Variants in PDE1B observed in about 807,000 individuals in gnomAD.
The protein encoded by PDE1B is dual specificity calcium/calmodulin-dependent 3',5'-cyclic nucleotide phosphodiesterase 1B.
A neutral mutation model predicts 66.7 loss-of-function variants in PDE1B; 13 were observed. The ratio of observed to expected loss-of-function variants is 0.19; its 90% CI spans 0.13 to 0.31. The LOEUF (loss-of-function observed/expected upper bound fraction) is 0.31, where lower values mean the gene tolerates loss of function less well. Ranked by LOEUF, PDE1B falls within the 10% of genes least tolerant of loss-of-function variation. PDE1B has a pLI of 1.00. For synonymous variants in PDE1B, 230 were observed against 253.9 expected (o/e 0.91, Z 0.90); for missense variants, 485 against 682.3 (o/e 0.71, Z 3.22).
At chr12:54,570,163 C>G in intron 5 of PDE1B, 78 bp from the exon 6 acceptor site, 1 of 832,510 alleles carries the variant, frequency 1.2e-6, no homozygotes, top group Non-Finnish European at 2.1e-6. Context: ...ACTTTGTACT[C>G]ATGGGAAGTC....
In PDE1B at chr12:54,575,346, T is replaced by C. The variant is rs1592173806; in HGVS notation, c.1185+128T>C. The C allele has an allele frequency of 4.5e-6, 4 of 895,230 alleles. No individual in the cohort carries two copies. Among genetic ancestry groups the C allele is most frequent in the East Asian group, 4.8e-5 (2 of 41,284 alleles). 55.5% of individuals were successfully genotyped at this position (895,230 alleles called of 1,614,324 possible). A position where few individuals can be genotyped will look rare whatever the true frequency, so the allele number is the denominator to read the frequency against. On this transcript the variant is annotated intron_variant, in intron 11 of 15. Coordinates refer to ENST00000243052, the MANE Select transcript of PDE1B (RefSeq NM_000924.4). This position sits in a 1 kb window ranked among gnomAD's most constrained non-coding sequence, Gnocchi z 4.0. ...TAGTCTCTGACCTGATCCCAAATCC[T>C]TGGGGTAAAACCCCATTATCCTAAA...
In PDE1B at chr12:54,569,122, G is replaced by T. The variant is rs757717593; in HGVS notation, c.228-62G>T. 6.5e-7 allele frequency: 1 copy of T among 1,529,242 alleles called. No individual in the cohort carries two copies. Among genetic ancestry groups the T allele is most frequent in the South Asian group, 1.3e-5 (1 of 76,774 alleles). The allele number at this position is 1,529,242 out of a possible 1,614,324, so 94.7% of individuals were successfully genotyped here. On this transcript the variant is annotated intron_variant, in intron 3 of 15. Transcript: ENST00000243052. The surrounding 1 kb of genome is among the most constrained non-coding windows in gnomAD (Gnocchi z 4.4). Reference sequence around the variant, plus strand: ...AAATGTGGGGTATGGCTGGGTACAGGGTCTCTAGGCTGTGGAAGCACCTGC... The same window carrying T: ...AAATGTGGGGTATGGCTGGGTACAGTGTCTCTAGGCTGTGGAAGCACCTGC...
intron 13 of PDE1B, chr12:54,576,313 T>C: frequency 3.3e-6 from 2 of 605,004 alleles, no homozygotes; most frequent in South Asian, 2.0e-5. Context: ...TATTTTTGTT[T>C]CTTCCATTAG....
In PDE1B at chr12:54,554,970, T is replaced by C. The variant is rs78767620; in HGVS notation, c.113+4985T>C. ...GACAAAGATTCAAGAGGTAGGAATA[T>C]GAATTACCTAATAGGTTTGAGCCGT... On this transcript the variant is annotated intron_variant, in intron 2 of 15. Coordinates refer to ENST00000243052, the MANE Select transcript of PDE1B (RefSeq NM_000924.4). Among the ~76,000 whole-genome samples, 774 of 152,232 alleles carry C rather than the reference T, an allele frequency of 5.1e-3. 6 individuals are homozygous for C. The highest frequency in any genetic ancestry group is 0.018 in the African/African-American group (730 of 41,528).
chr12:54,565,361 T>C (rs1188952329), intron 2 of PDE1B, among the ~76,000 whole-genome samples: 1 of 152,222 alleles, frequency 6.6e-6, no homozygotes, highest in African/African-American at 2.4e-5. Flanking sequence ...CCCCAGCTTG[T>C]GCCTGGGCAC....
rs1957287279 is a variant in PDE1B at position 54,552,184 on chromosome 12, A to C, written c.113+2199A>C. On this transcript the variant is annotated intron_variant, in intron 2 of 15. Coordinates refer to ENST00000243052, the MANE Select transcript of PDE1B (RefSeq NM_000924.4). ...GAGGCTTTGACTATCAGATGAAGGG[A>C]AATAAAAGGATTTAGGGCTTTGCTG... is the stretch of plus-strand genomic sequence containing the variant. Among the ~76,000 whole-genome samples, 3 of 152,104 alleles carry C rather than the reference A, an allele frequency of 2.0e-5. No homozygotes were observed. The South Asian group carries it at 6.2e-4, about 32-fold the overall frequency.
At chr12:54,566,103 T>G (rs1957510737) in intron 2 of PDE1B, among the ~76,000 whole-genome samples, 1 of 152,198 alleles carries the variant, frequency 6.6e-6, no homozygotes, top group East Asian at 1.9e-4. Context: ...TGGGCTGAAC[T>G]CACCAGGCTT....
chr12:54,557,480 A>ACTTCC (rs1957356213), intron 2 of PDE1B, among the ~76,000 whole-genome samples: 1 of 152,184 alleles, frequency 6.6e-6, no homozygotes, highest in East Asian at 1.9e-4. Context: ...TTGAGGCCCA[A>ACTTCC]GCATCCTACT....
intron 2 of PDE1B, among the ~76,000 whole-genome samples, chr12:54,558,566 C>T (rs1027660026): frequency 2.6e-5 from 4 of 152,128 alleles, no homozygotes; most frequent in Admixed American, 6.5e-5. Flanking sequence ...TGGGAATGCT[C>T]GGGTGAGGTG....
chr12:54,557,764 G>A (rs1200602081), intron 2 of PDE1B, among the ~76,000 whole-genome samples: 1 of 152,204 alleles, frequency 6.6e-6, no homozygotes, highest in Non-Finnish European at 1.5e-5. Context: ...GTAGTTTGGA[G>A]GGCTGGTGGG....
In PDE1B at chr12:54,573,535, A is replaced by G. The variant is rs1957657139; in HGVS notation, c.962+55A>G. On this transcript the variant is annotated intron_variant, in intron 9 of 15. Coordinates refer to ENST00000243052, the MANE Select transcript of PDE1B (RefSeq NM_000924.4). The surrounding 1 kb of genome is among the most constrained non-coding windows in gnomAD (Gnocchi z 5.2). ...AAGAGACTCCCTTACCACAAACTCC[A>G]TTTTCCACTTCCTGGACCTCCTGCC... 9.3e-6 allele frequency: 15 copies of G among 1,613,178 alleles called. 1 individual carries two copies. The East Asian group carries it at 3.1e-4, about 34-fold the overall frequency.
Position 54,575,305 on chromosome 12 carries a change from C to A in PDE1B, c.1185+87C>A. ...AAGTTCCCCAATCCTGTTCCACATC[C>A]TCCTTTTGCTACCTGTAGTCTCTGA... On this transcript the variant is annotated intron_variant, in intron 11 of 15. Transcript: ENST00000243052. The surrounding 1 kb of genome is among the most constrained non-coding windows in gnomAD (Gnocchi z 4.0). 1 of 1,192,176 alleles carries A rather than the reference C, an allele frequency of 8.4e-7. No individual in the cohort carries two copies. The highest frequency in any genetic ancestry group is 1.3e-5 in the South Asian group (1 of 76,734). The allele number at this position is 1,192,176 out of a possible 1,614,324, so 73.8% of individuals were successfully genotyped here. A position where few individuals can be genotyped will look rare whatever the true frequency, so the allele number is the denominator to read the frequency against.
At chr12:54,572,467 G>C (rs1957633029) in intron 6 of PDE1B, 134 bp from the exon 7 acceptor site, 2 of 825,296 alleles carry the variant, frequency 2.4e-6, no homozygotes, top group Non-Finnish European at 4.1e-6. Flanking sequence ...ATATGAGCCA[G>C]GTTCACCTAA....
chr12:54,575,930 T>C lies in PDE1B; in HGVS notation c.1268-62T>C. 1.6e-6 allele frequency: 2 copies of C among 1,220,078 alleles called. No homozygotes were observed. The highest frequency in any genetic ancestry group is 1.2e-6 in the Non-Finnish European group (1 of 822,252). The allele number at this position is 1,220,078 out of a possible 1,614,324, so 75.6% of individuals were successfully genotyped here. A position where few individuals can be genotyped will look rare whatever the true frequency, so the allele number is the denominator to read the frequency against. On this transcript the variant is annotated intron_variant, in intron 12 of 15. Transcript: ENST00000243052. This position sits in a 1 kb window ranked among gnomAD's most constrained non-coding sequence, Gnocchi z 4.0. ...AGGGGTCCTGGCCATGCCAGCTGCA[T>C]GCTCTGCCTAGCCCTCCAGATAATA...
Position 54,573,300 on chromosome 12 carries a change from G to A in PDE1B, c.836+52G>A, listed in dbSNP as rs2121145191. ...AGGAGGGGCCAAGAGGAGGTGGGGA[G>A]GTTGCCGGAGTCCCTCCTTACAGGG... On this transcript the variant is annotated intron_variant, in intron 8 of 15. Coordinates refer to ENST00000243052, the MANE Select transcript of PDE1B (RefSeq NM_000924.4). The surrounding 1 kb of genome is among the most constrained non-coding windows in gnomAD (Gnocchi z 5.2). 6.2e-7 allele frequency: 1 copy of A among 1,613,662 alleles called. No homozygotes were observed. The highest frequency in any genetic ancestry group is 8.5e-7 in the Non-Finnish European group (1 of 1,179,580).
intron 2 of PDE1B, among the ~76,000 whole-genome samples, chr12:54,558,787 G>A (rs1957371210): frequency 6.6e-6 from 1 of 152,220 alleles, no homozygotes; most frequent in South Asian, 2.1e-4. Flanking sequence ...GGCTGTAAGA[G>A]TGGGCATATG....
chr12:54,577,601 C>T, intron 15 of PDE1B: 1 of 1,478,702 alleles, frequency 6.8e-7, no homozygotes, highest in Non-Finnish European at 8.9e-7. Flanking sequence ...GGGCCCATGC[C>T]AGGTGACAGC....
intron 14 of PDE1B, 135 bp downstream of exon 14, chr12:54,576,836 C>A (rs1957761255): frequency 2.3e-6 from 2 of 880,390 alleles, no homozygotes; most frequent in Non-Finnish European, 1.8e-6. Context: ...CTGATCAGAC[C>A]AGTTAGATCA....
intron 2 of PDE1B, among the ~76,000 whole-genome samples, chr12:54,556,805 G>A (rs1957347105): frequency 6.6e-6 from 1 of 151,728 alleles, no homozygotes; most frequent in Non-Finnish European, 1.5e-5. Flanking sequence ...GGCTACAGTG[G>A]GGTGATTAGG....
Sources: allele counts gnomAD v4.1 joint callset (sites outside exome capture counted in the v4.1 genomes callset), GRCh38; gene constraint gnomAD v4.1.1; non-coding constraint Gnocchi (gnomAD v3.1); transcripts MANE v1.5; gene names NCBI Gene and HGNC (gene_info 2026-07-23, HGNC 2026-07-21).